The following PDIA5 variants were observed in gnomAD, a reference collection of about 807,000 sequenced individuals.
PDIA5 encodes the protein protein disulfide-isomerase A5.
In PDIA5, 58 loss-of-function variants were observed where a neutral mutation model predicts 77.6. The observed-to-expected ratio is 0.75, with a 90% CI of 0.61 to 0.93. PDIA5 has a LOEUF of 0.93. Ranked by LOEUF, PDIA5 falls within the 40% of genes least tolerant of loss-of-function variation. The pLI, the probability that PDIA5 is intolerant of heterozygous loss-of-function variation, is 0.00. For missense variants in PDIA5, 630 were observed against 647.7 expected, an observed-to-expected ratio of 0.97 and a Z score of 0.30; for synonymous variants, 250 against 252.1, an observed-to-expected ratio of 0.99 and a Z score of 0.08.
chr3:123,086,352 G>A (rs1934138079), intron 1 of PDIA5, among the ~76,000 whole-genome samples: 1 of 152,200 alleles, frequency 6.6e-6, no homozygotes, highest in Non-Finnish European at 1.5e-5. Context: ...AAGGTTGAGT[G>A]ACATTGGCTA....
At chr3:123,104,522 C>T (rs734202) in intron 5 of PDIA5, among the ~76,000 whole-genome samples, 91,923 of 152,102 alleles carry the variant, frequency 0.6, 29,442 homozygotes, top group Middle Eastern at 0.72. Context: ...TTTGTCAACC[C>T]GCATGGTTGG....
intron 3 of PDIA5, among the ~76,000 whole-genome samples, chr3:123,092,776 C>T (rs928117448): frequency 5.9e-5 from 9 of 152,032 alleles, no homozygotes; most frequent in African/African-American, 2.2e-4. Context: ...CTTGATACCC[C>T]GAGAGGCAAG....
intron 13 of PDIA5, among the ~76,000 whole-genome samples, chr3:123,147,000 G>A (rs755512199): frequency 1.5e-4 from 23 of 152,054 alleles, no homozygotes; most frequent in Non-Finnish European, 2.8e-4. Context: ...TAGTAGAGAC[G>A]GGGTTTCACC....
chr3:123,129,201 T>C (rs1011735082), intron 10 of PDIA5, among the ~76,000 whole-genome samples: 3 of 152,270 alleles, frequency 2.0e-5, no homozygotes, highest in South Asian at 2.1e-4. Flanking sequence ...GGAACCTAGA[T>C]TGCATGATGT....
chr3:123,130,689 A>C (rs1935353166), intron 11 of PDIA5, 73 bp downstream of exon 11: 1 of 1,531,158 alleles, frequency 6.5e-7, no homozygotes, highest in Non-Finnish European at 9.0e-7. Context: ...GCGCTTTGCA[A>C]TGTGAACCCA....
chr3:123,102,705 T>A, intron 4 of PDIA5, 46 bp from the exon 5 acceptor site: 3 of 1,474,178 alleles, frequency 2.0e-6, no homozygotes, highest in Non-Finnish European at 2.9e-6. Flanking sequence ...GTATGTATCT[T>A]CACAACCATT....
At chr3:123,144,258 C>G (rs933281683) in intron 11 of PDIA5, among the ~76,000 whole-genome samples, 27 of 152,164 alleles carry the variant, frequency 1.8e-4, no homozygotes, top group African/African-American at 6.5e-4. Context: ...TTTTTCCTAA[C>G]AATCAGTAGT....
intron 7 of PDIA5, among the ~76,000 whole-genome samples, chr3:123,113,728 G>A (rs1006869111): frequency 1.3e-5 from 2 of 152,184 alleles, no homozygotes; most frequent in Admixed American, 1.3e-4. Context: ...CGTCTGTTAG[G>A]ACTCTGTGAC....
intron 1 of PDIA5, among the ~76,000 whole-genome samples, chr3:123,067,884 C>G (rs934704553): frequency 6.6e-6 from 1 of 152,192 alleles, no homozygotes; most frequent in African/African-American, 2.4e-5. Flanking sequence ...AAAGCTACCC[C>G]CATAGGGTGG....
intron 1 of PDIA5, among the ~76,000 whole-genome samples, chr3:123,084,084 G>C (rs1049641678): frequency 3.9e-5 from 6 of 152,056 alleles, no homozygotes; most frequent in Non-Finnish European, 4.4e-5. Context: ...GATTCTCCCT[G>C]ATCGACCTAT....
intron 7 of PDIA5, among the ~76,000 whole-genome samples, chr3:123,113,018 C>G: frequency 6.6e-6 from 1 of 152,304 alleles, no homozygotes; most frequent in African/African-American, 2.4e-5. Context: ...CTTTAACCCT[C>G]GCTCCTTCTC....
chr3:123,112,027 C>G (rs530057352), intron 7 of PDIA5, among the ~76,000 whole-genome samples: 1 of 152,140 alleles, frequency 6.6e-6, no homozygotes, highest in Admixed American at 6.5e-5. Flanking sequence ...TGGGCGCTTG[C>G]GAGCTATACC....
At chr3:123,133,004 G>A (rs1331388096) in intron 11 of PDIA5, among the ~76,000 whole-genome samples, 3 of 152,166 alleles carry the variant, frequency 2.0e-5, no homozygotes, top group East Asian at 1.9e-4. Flanking sequence ...TGTTCCTGTC[G>A]GATGGTAATA....
At position 123,103,477 on chromosome 3, in the gene PDIA5, C is replaced by T. The variant is rs955105542; in HGVS notation, c.387+681C>T. ...CTCCTGGTCCTGACGTGTTTGAACT[C>T]ACTTCCTAACCCTCCTGTTTCCCAC... On this transcript the variant is annotated intron_variant, in intron 5 of 16. Coordinates refer to ENST00000316218, the MANE Select transcript of PDIA5 (RefSeq NM_006810.4). Among the ~76,000 whole-genome samples the T allele has an allele frequency of 3.9e-5, 6 of 152,152 alleles. No individual in the cohort carries two copies. In the East Asian group the frequency reaches 1.2e-3, roughly 29 times the overall value.
intron 13 of PDIA5, among the ~76,000 whole-genome samples, chr3:123,148,643 A>C (rs1178152728): frequency 6.6e-6 from 1 of 152,164 alleles, no homozygotes; most frequent in African/African-American, 2.4e-5. Context: ...TCAATACATA[A>C]GTGATCACAG....
intron 1 of PDIA5, among the ~76,000 whole-genome samples, chr3:123,075,535 T>C (rs1933831662): frequency 6.6e-6 from 1 of 152,122 alleles, no homozygotes; most frequent in Admixed American, 6.5e-5. Flanking sequence ...TAGGAGGTCA[T>C]TGTTGAGCCT....
intron 11 of PDIA5, among the ~76,000 whole-genome samples, chr3:123,131,705 G>A (rs540201362): frequency 4.0e-5 from 6 of 151,466 alleles, no homozygotes; most frequent in Middle Eastern, 6.8e-3. Flanking sequence ...ACGTGCTTGC[G>A]ATAAGGGCTG....
chr3:123,160,426 C>G (rs993646020), intron 15 of PDIA5, among the ~76,000 whole-genome samples: 1 of 151,148 alleles, frequency 6.6e-6, no homozygotes, highest in African/African-American at 2.4e-5. Flanking sequence ...TCTGACCAAA[C>G]ATTCTGATGG....
intron 11 of PDIA5, among the ~76,000 whole-genome samples, chr3:123,132,531 C>T (rs2107967875): frequency 6.6e-6 from 1 of 152,374 alleles, no homozygotes; most frequent in African/African-American, 2.4e-5. Context: ...GTGGGCCTCT[C>T]CTGATGAAGC....
Sources: gnomAD v4.1 joint callset for allele counts (sites outside exome capture counted in the v4.1 genomes callset) on GRCh38, gnomAD v4.1.1 for gene constraint, MANE v1.5 for transcripts, NCBI Gene and HGNC (gene_info 2026-07-23, HGNC 2026-07-21) for gene names.